Variants in NCKAP5 observed in about 807,000 individuals in gnomAD.
NCKAP5 encodes nck-associated protein 5.
NCKAP5 carries 92 observed loss-of-function variants against 167.0 expected under a neutral mutation model. The ratio of observed to expected loss-of-function variants is 0.55; its 90% CI spans 0.47 to 0.66. NCKAP5 has a LOEUF of 0.66. Among genes scored for constraint, NCKAP5 ranks in the 30% least tolerant of loss-of-function variants. The pLI is 0.00. For missense variants in NCKAP5, 2,378 were observed against 2,315.0 expected (o/e 1.03, Z -0.56); for synonymous variants, 891 against 877.4 (o/e 1.02, Z -0.27).
intron 8 of NCKAP5, among the ~76,000 whole-genome samples, chr2:132,915,014 T>G (rs1280321124): frequency 2.0e-5 from 3 of 151,644 alleles, no homozygotes; most frequent in African/African-American, 7.3e-5. Context: ...AAATGCCTAT[T>G]GCATACCTTC....
chr2:133,553,197 G>A (rs1687495245), intron 2 of NCKAP5, among the ~76,000 whole-genome samples: 1 of 152,238 alleles, frequency 6.6e-6, no homozygotes, highest in African/African-American at 2.4e-5. Context: ...TATACAGTAT[G>A]CTGTCCAGAC....
chr2:132,847,050 T>C (rs975408440), intron 11 of NCKAP5, among the ~76,000 whole-genome samples: 1 of 152,210 alleles, frequency 6.6e-6, no homozygotes, highest in Admixed American at 6.5e-5. Flanking sequence ...CTTTCAACTG[T>C]ATACTTTTAA....
At chr2:133,611,297 A>G in the NCKAP5 span, among the ~76,000 whole-genome samples, 1 of 151,960 alleles carries the variant, frequency 6.6e-6, no homozygotes, top group East Asian at 1.9e-4. Flanking sequence ...CCATCTGCAA[A>G]AAGCATTTCT....
At position 133,059,673 on chromosome 2, in the gene NCKAP5, C is replaced by CA. The variant is rs1202793730; in HGVS notation, c.342-65435dup. 2.0e-3 allele frequency among the ~76,000 whole-genome samples: 208 copies of CA among 105,296 alleles called. 1 individual carries two copies. The highest frequency in any genetic ancestry group is 0.012 in the East Asian group (46 of 3,952). 69.1% of individuals were successfully genotyped at this position (105,296 alleles called of 152,430 possible). ...TGAGTGACAGAGTGAGATGCTATTT[C>CA]AAAAAAAAAAAAGAAAGAAAAGAAA... On this transcript the variant is annotated intron_variant, in intron 6 of 19. Coordinates refer to ENST00000409261, the MANE Select transcript of NCKAP5 (RefSeq NM_207363.3).
intron 9 of NCKAP5, among the ~76,000 whole-genome samples, chr2:132,871,017 G>A (rs1690773259): frequency 6.6e-6 from 1 of 151,934 alleles, no homozygotes; most frequent in Admixed American, 6.6e-5. Flanking sequence ...AAAAAGAAAG[G>A]CTCTTCATTG....
intron 9 of NCKAP5, among the ~76,000 whole-genome samples, chr2:132,872,600 G>A (rs74567277): frequency 4.9e-4 from 74 of 152,336 alleles, no homozygotes; most frequent in African/African-American, 1.1e-3. Flanking sequence ...GTTTACGGGC[G>A]TGGGGAGCGA....
chr2:132,811,600 C>A (rs1483185943), intron 11 of NCKAP5, among the ~76,000 whole-genome samples: 3 of 152,118 alleles, frequency 2.0e-5, no homozygotes, highest in African/African-American at 7.2e-5. Flanking sequence ...TACTACCATG[C>A]TCCCCCCAAC....
chr2:132,796,072 T>TA (rs1436119972), intron 12 of NCKAP5, among the ~76,000 whole-genome samples: 3 of 152,082 alleles, frequency 2.0e-5, no homozygotes, highest in Admixed American at 2.0e-4. Flanking sequence ...TTCAGTAAAA[T>TA]AAAAAAACAG....
chr2:132,799,495 C>T (rs533803928), intron 11 of NCKAP5, among the ~76,000 whole-genome samples: 6 of 152,234 alleles, frequency 3.9e-5, no homozygotes, highest in African/African-American at 1.2e-4. Flanking sequence ...AAAAGAAAGA[C>T]AGAAGTGGCT....
In NCKAP5 at chr2:133,355,936, G is replaced by GTT. The variant is rs5834354; in HGVS notation, c.70-52828_70-52827dup. Among the ~76,000 whole-genome samples, 1,498 of 150,680 alleles carry GTT rather than the reference G, an allele frequency of 9.9e-3. 18 individuals carry two copies. Among genetic ancestry groups the GTT allele is most frequent in the Non-Finnish European group, 0.015 (1,018 of 67,634 alleles). On this transcript the variant is annotated intron_variant, in intron 3 of 19. Transcript: ENST00000409261. The stretch of plus-strand genomic sequence containing the variant: ...TGAAGGAGCAGTGTTTTTGTTTTCT[G>GTT]TTTTTTTTTGAGACAGGGTCTCCAT...
the NCKAP5 span, among the ~76,000 whole-genome samples, chr2:133,658,706 G>A: frequency 6.6e-6 from 1 of 152,158 alleles, no homozygotes; most frequent in Non-Finnish European, 1.5e-5. Context: ...TGATGTCCTG[G>A]TCTTACTGCC....
chr2:133,461,080 G>A (rs1026805387), intron 3 of NCKAP5, among the ~76,000 whole-genome samples: 4 of 152,104 alleles, frequency 2.6e-5, no homozygotes, highest in East Asian at 1.9e-4. Flanking sequence ...AACACAAAGC[G>A]CTACGTTTTA....
At chr2:132,791,155 C>T (rs559738984) in intron 12 of NCKAP5, among the ~76,000 whole-genome samples, 161 of 152,358 alleles carry the variant, frequency 1.1e-3, no homozygotes, top group Non-Finnish European at 1.9e-3. Flanking sequence ...TTCTGCTACA[C>T]TTTCCTCTGG....
intron 8 of NCKAP5, among the ~76,000 whole-genome samples, chr2:132,893,882 A>T (rs1461754934): frequency 3.3e-5 from 5 of 151,848 alleles, no homozygotes; most frequent in Non-Finnish European, 5.9e-5. Flanking sequence ...AACATATTTC[A>T]CACACACACA....
At chr2:133,058,204 A>G (rs969142284) in intron 6 of NCKAP5, among the ~76,000 whole-genome samples, 1 of 152,220 alleles carries the variant, frequency 6.6e-6, no homozygotes, top group Admixed American at 6.5e-5. Flanking sequence ...GGAGATGTAC[A>G]AGGTGATTTA....
chr2:132,907,598 TTACCACTCA>T (rs1241570826), intron 8 of NCKAP5, among the ~76,000 whole-genome samples: 5 of 131,192 alleles, frequency 3.8e-5, no homozygotes, highest in African/African-American at 1.7e-4. Flanking sequence ...ATCAAGGCTC[TTACCACTCA>T]AAGACACGTT....
chr2:133,672,236 G>C, the NCKAP5 span, among the ~76,000 whole-genome samples: 1 of 151,200 alleles, frequency 6.6e-6, no homozygotes, highest in African/African-American at 2.4e-5. Flanking sequence ...GGAAGGGTTT[G>C]TTGATTTGAC....
chr2:133,387,359 T>C (rs1278107224), intron 3 of NCKAP5, among the ~76,000 whole-genome samples: 1 of 152,216 alleles, frequency 6.6e-6, no homozygotes, highest in Non-Finnish European at 1.5e-5. Flanking sequence ...TCTTTAAGAA[T>C]GTTGAATATT....
At chr2:133,379,020 T>G (rs1248340347) in intron 3 of NCKAP5, among the ~76,000 whole-genome samples, 1 of 152,178 alleles carries the variant, frequency 6.6e-6, no homozygotes, top group Non-Finnish European at 1.5e-5. Flanking sequence ...GCTCTCAATA[T>G]CCAGATAACA....
Sources: gnomAD v4.1 joint callset for allele counts (sites outside exome capture counted in the v4.1 genomes callset) on GRCh38, gnomAD v4.1.1 for gene constraint, MANE v1.5 for transcripts, NCBI Gene and HGNC (gene_info 2026-07-23, HGNC 2026-07-21) for gene names.